TNS2: variants seen among roughly 807,000 people sequenced by gnomAD.
The protein encoded by TNS2 is tensin-2.
In TNS2, 77 loss-of-function variants were observed where a neutral mutation model predicts 155.7. The observed-to-expected ratio is 0.49, with a 90% CI of 0.41 to 0.60. The LOEUF (loss-of-function observed/expected upper bound fraction) is 0.60, where lower values mean the gene tolerates loss of function less well. Ranked by LOEUF, TNS2 falls within the 20% of genes least tolerant of loss-of-function variation. The pLI, the probability that TNS2 is intolerant of heterozygous loss-of-function variation, is 0.00. For missense variants in TNS2, 1,703 were observed against 1,868.8 expected, an observed-to-expected ratio of 0.91 and a Z score of 1.64; for synonymous variants, 726 against 763.9, an observed-to-expected ratio of 0.95 and a Z score of 0.82.
chr12:53,049,937 G>C, upstream of TNS2: 1 of 963,296 alleles, frequency 1.0e-6, no homozygotes, highest in Non-Finnish European at 1.5e-6. Flanking sequence ...CAGCAGGGTA[G>C]ATCCTGGGAA....
chr12:53,048,178 G>A (rs1238018877), upstream of TNS2, among the ~76,000 whole-genome samples: 2 of 152,098 alleles, frequency 1.3e-5, no homozygotes, highest in African/African-American at 4.8e-5. Context: ...CTTCCCTTCC[G>A]AGGTGCGAGT....
chr12:53,062,086 A>G, intron 22 of TNS2, 67 bp from the exon 23 acceptor site: 1 of 1,611,532 alleles, frequency 6.2e-7, no homozygotes, highest in Non-Finnish European at 8.5e-7. Context: ...TCGGGAAAGA[A>G]TCCCATTAGG....
chr12:53,062,083 A>C, intron 22 of TNS2, 70 bp from the exon 23 acceptor site: 9 of 1,611,536 alleles, frequency 5.6e-6, no homozygotes, highest in Non-Finnish European at 7.6e-6. Context: ...TGCTCGGGAA[A>C]GAATCCCATT....
Position 53,060,370 on chromosome 12 carries a change from T to A in TNS2, c.2618-35T>A. On this transcript the variant is annotated intron_variant, in intron 18 of 28. Transcript: ENST00000314250. This position sits in a 1 kb window ranked among gnomAD's most constrained non-coding sequence, Gnocchi z 6.1. Reference sequence around the variant, plus strand: ...AGCTAAGCCAGACAGAAGAGCCCCATCCTGCTCACAGCCCACCTCTCCCCT... The same window carrying A: ...AGCTAAGCCAGACAGAAGAGCCCCAACCTGCTCACAGCCCACCTCTCCCCT... 6.2e-7 allele frequency: 1 copy of A among 1,601,976 alleles called. No homozygotes were observed. The highest frequency in any genetic ancestry group is 8.5e-7 in the Non-Finnish European group (1 of 1,172,702).
chr12:53,053,629 C>T, intron 4 of TNS2, 145 bp from the exon 5 acceptor site: 1 of 1,389,624 alleles, frequency 7.2e-7, no homozygotes, highest in Non-Finnish European at 9.9e-7. Context: ...GCCCTTGGGC[C>T]TGCTGGGGGT....
chr12:53,055,086 C>A, intron 7 of TNS2, 100 bp from the exon 8 acceptor site: 1 of 1,395,440 alleles, frequency 7.2e-7, no homozygotes, highest in Non-Finnish European at 1.0e-6. Context: ...GACCGGCCTG[C>A]ACCTTATTTT....
chr12:53,063,559 G>T lies in TNS2; in HGVS notation c.4062-4G>T. ...TGCATCTTCACCTTCTTCTCCTTCT[G>T]CAGATGGACCAACCCAGACGGGACC... On this transcript the variant is annotated splice_region_variant and splice_polypyrimidine_tract_variant and intron_variant, in intron 27 of 28. Coordinates refer to ENST00000314250, the MANE Select transcript of TNS2 (RefSeq NM_170754.4). This position sits in a 1 kb window ranked among gnomAD's most constrained non-coding sequence, Gnocchi z 5.6. 1.9e-6 allele frequency: 3 copies of T among 1,610,846 alleles called. No homozygotes were observed. The highest frequency in any genetic ancestry group is 2.5e-6 in the Non-Finnish European group (3 of 1,179,392).
chr12:53,048,178 G>C (rs1238018877), upstream of TNS2, among the ~76,000 whole-genome samples: 1 of 152,098 alleles, frequency 6.6e-6, no homozygotes, highest in Non-Finnish European at 1.5e-5. Context: ...CTTCCCTTCC[G>C]AGGTGCGAGT....
Position 53,063,907 on chromosome 12 carries a change from A to G in TNS2, c.*25A>G, listed in dbSNP as rs764556897. The G allele has an allele frequency of 6.2e-7, 1 of 1,611,896 alleles. No homozygotes were observed. Among genetic ancestry groups the G allele is most frequent in the Non-Finnish European group, 8.5e-7 (1 of 1,178,694 alleles). On this transcript the variant is annotated 3_prime_UTR_variant, in exon 29 of 29. Coordinates refer to ENST00000314250, the MANE Select transcript of TNS2 (RefSeq NM_170754.4). This position sits in a 1 kb window ranked among gnomAD's most constrained non-coding sequence, Gnocchi z 5.6. ...AAGGAAGGCCACAAGCTCAGAGCCC[A>G]CATCAACACTGCCCCCCTCCCAGCA... is the stretch of plus-strand genomic sequence containing the variant.
In TNS2 at chr12:53,061,251, C is replaced by T; in HGVS notation, c.3345C>T (p.Val1115=). ...VTFAPLLSDN[V]PQTPEPPTQE... ...TCGCACCTCTGCTCTCAGATAATGT[C>T]CCCCAAACCCCAGGTATAAAGGCCT... Residue 1115 remains valine (V), a synonymous_variant, in exon 20 of 29, where the codon GTC becomes GTT. Transcript: ENST00000314250. 6.4e-7 allele frequency: 1 copy of T among 1,568,968 alleles called. No individual in the cohort carries two copies. Among genetic ancestry groups the T allele is most frequent in the Middle Eastern group, 1.7e-4 (1 of 5,814 alleles).
In TNS2 at chr12:53,061,887, A is replaced by T; in HGVS notation, c.3521A>T (p.Tyr1174Phe). The change falls in exon 22 of 29, where the codon TAT becomes TTT. Residue 1174 changes from tyrosine to phenylalanine, a missense_variant. By Grantham distance (22) the Tyr-to-Phe change is conservative. Coordinates refer to ENST00000314250, the MANE Select transcript of TNS2 (RefSeq NM_170754.4). ...IRDSHSFQGA[Y>F]GLALKVATPP... The stretch of plus-strand genomic sequence containing the variant: ...GACAGTCATTCATTCCAAGGAGCTT[A>T]TGGGCTGGCCCTCAAGGTGGCCACA... 1.2e-6 allele frequency: 2 copies of T among 1,613,720 alleles called. No individual in the cohort carries two copies. Among genetic ancestry groups the T allele is most frequent in the Non-Finnish European group, 1.7e-6 (2 of 1,179,990 alleles).
chr12:53,057,783 C>A lies in TNS2; in HGVS notation c.969C>A (p.Pro323=). The stretch of plus-strand genomic sequence containing the variant: ...CCTCTGCCCCTCCAGGCTTCCAGCC[C>A]TTCCTTAAAATCTACCAGTCCATGC... The part of the protein sequence containing the change: ...PAFEPGTGFQ[P]FLKIYQSMQL... Residue 323 remains proline, a synonymous_variant, in exon 13 of 29, where the codon CCC becomes CCA. Transcript: ENST00000314250. 6.2e-7 allele frequency: 1 copy of A among 1,614,136 alleles called. No homozygotes were observed. The highest frequency in any genetic ancestry group is 1.3e-5 in the African/African-American group (1 of 75,058).
In TNS2 at chr12:53,061,061, C is replaced by T; in HGVS notation, c.3155C>T (p.Ser1052Leu). Reference sequence around the variant, plus strand: ...GCCAGCCCAGAGCCGCCTCAGAGCTCACCTACACCTGCTTTCCCCCTGGCT... The same window carrying T: ...GCCAGCCCAGAGCCGCCTCAGAGCTTACCTACACCTGCTTTCCCCCTGGCT... ...LVASPEPPQS[S>L]PTPAFPLAAS... The change falls in exon 20 of 29, where the codon TCA (serine) becomes TTA (leucine). Residue 1052 changes from serine to leucine, a missense_variant. Ser to Leu is a moderately radical substitution (Grantham distance 145, BLOSUM62 -2). Transcript: ENST00000314250. 6.2e-7 allele frequency: 1 copy of T among 1,613,524 alleles called. No individual in the cohort carries two copies.
At position 53,061,988 on chromosome 12, in the gene TNS2, G is replaced by T. The variant is rs200367000; in HGVS notation, c.3574+48G>T. On this transcript the variant is annotated intron_variant, in intron 22 of 28. Transcript: ENST00000314250. ...TGGGGTGGGGATGAAGTTGGGGGTGGTGCCAGAGGCAAGGTAACAGGGCAG... is the reference window on the plus strand; with the variant it reads ...TGGGGTGGGGATGAAGTTGGGGGTGTTGCCAGAGGCAAGGTAACAGGGCAG... 7.4e-5 allele frequency: 119 copies of T among 1,609,176 alleles called. 2 individuals carry two copies. The East Asian group carries it at 2.5e-3, about 33-fold the overall frequency.
rs748154080 is a variant in TNS2, at chr12:53,063,886, A to C, written c.*4A>C. On this transcript the variant is annotated 3_prime_UTR_variant, in exon 29 of 29. Transcript: ENST00000314250. This position sits in a 1 kb window ranked among gnomAD's most constrained non-coding sequence, Gnocchi z 5.6. Reference sequence around the variant, plus strand: ...TCTACTGGGCCAGAGAAAATGAAGGAAGGCCACAAGCTCAGAGCCCACATC... The same window carrying C: ...TCTACTGGGCCAGAGAAAATGAAGGCAGGCCACAAGCTCAGAGCCCACATC... 1 of 1,613,830 alleles carries C rather than the reference A, an allele frequency of 6.2e-7. No homozygotes were observed. Among genetic ancestry groups the C allele is most frequent in the Admixed American group, 1.7e-5 (1 of 60,000 alleles).
rs377700699 is a variant in TNS2, at chr12:53,059,819, G to A, written c.2178G>A (p.Leu726=). The stretch of plus-strand genomic sequence containing the variant: ...CAAGTGAGGCTGGCAAGCCTCTCCT[G>A]CACCCAGTGCGGCCTGGGCACCCGC... The part of the protein sequence containing the change: ...GWASEAGKPL[L]HPVRPGHPLP... The change falls in exon 18 of 29, where the codon CTG becomes CTA. Residue 726 remains leucine (L), a synonymous_variant. Coordinates refer to ENST00000314250, the MANE Select transcript of TNS2 (RefSeq NM_170754.4). This position sits in a 1 kb window ranked among gnomAD's most constrained non-coding sequence, Gnocchi z 4.7. 2.9e-5 allele frequency: 47 copies of A among 1,612,816 alleles called. No individual in the cohort carries two copies. Among genetic ancestry groups the A allele is most frequent in the Non-Finnish European group, 3.7e-5 (44 of 1,179,968 alleles).
rs756475641 is a variant in TNS2 at position 53,059,072 on chromosome 12, C to G, written c.1431C>G (p.Pro477=). The G allele has an allele frequency of 2.0e-5, 31 of 1,539,122 alleles. No individual in the cohort carries two copies. Among genetic ancestry groups the G allele is most frequent in the Non-Finnish European group, 2.7e-5 (31 of 1,146,038 alleles). Residue 477 remains proline (P), a synonymous_variant, in exon 18 of 29, where the codon CCC becomes CCG. Coordinates refer to ENST00000314250, the MANE Select transcript of TNS2 (RefSeq NM_170754.4). This position sits in a 1 kb window ranked among gnomAD's most constrained non-coding sequence, Gnocchi z 4.7. ...VDGSLTHTRG[P]LDGSPYAQVQ... Reference sequence around the variant, plus strand: ...GCTCCTTGACCCACACCCGGGGTCCCCTGGATGGCAGTCCTTATGCCCAGG... The same window carrying G: ...GCTCCTTGACCCACACCCGGGGTCCGCTGGATGGCAGTCCTTATGCCCAGG...
At chr12:53,052,970 G>A (rs761574334) in intron 3 of TNS2, 12 of 299,810 alleles carry the variant, frequency 4.0e-5, no homozygotes, top group Non-Finnish European at 6.5e-5. Context: ...GTCCACTGGG[G>A]ACCTGAGACA....
chr12:53,060,002 G>A lies in TNS2; in HGVS notation c.2361G>A (p.Val787=). The part of the protein sequence containing the change: ...RYGHPGYPAL[V]TYSYGGAVPS... ...GGCATCCAGGGTACCCTGCCCTGGT[G>A]ACATACAGCTATGGAGGAGCAGTTC... Residue 787 remains valine, a synonymous_variant, in exon 18 of 29, where the codon GTG becomes GTA. Coordinates refer to ENST00000314250, the MANE Select transcript of TNS2 (RefSeq NM_170754.4). This position sits in a 1 kb window ranked among gnomAD's most constrained non-coding sequence, Gnocchi z 6.1. 2 of 1,613,504 alleles carry A rather than the reference G, an allele frequency of 1.2e-6. No individual in the cohort carries two copies. The highest frequency in any genetic ancestry group is 1.7e-6 in the Non-Finnish European group (2 of 1,179,966).
Sources: gnomAD v4.1 joint callset for allele counts (sites outside exome capture counted in the v4.1 genomes callset) on GRCh38, gnomAD v4.1.1 for gene constraint, Gnocchi (gnomAD v3.1) non-coding constraint, MANE v1.5 for transcripts, NCBI Gene and HGNC (gene_info 2026-07-23, HGNC 2026-07-21) for gene names.